Variants in SGCZ observed in about 807,000 individuals in gnomAD.
The protein encoded by SGCZ is zeta-sarcoglycan.
SGCZ carries 40 observed loss-of-function variants against 41.3 expected under a neutral mutation model. That is an observed-to-expected ratio of 0.97 (90% CI 0.75 to 1.26). The LOEUF (loss-of-function observed/expected upper bound fraction) is 1.26. SGCZ is among the 50% of genes most tolerant of loss of function. The pLI, the probability that SGCZ is intolerant of heterozygous loss-of-function variation, is 0.00. For missense variants in SGCZ, 552 were observed against 369.8 expected (o/e 1.49, Z -4.04); for synonymous variants, 206 against 137.5 (o/e 1.50, Z -3.49).
chr8:14,914,314 A>G (rs903245670), intron 1 of SGCZ, among the ~76,000 whole-genome samples: 12 of 152,138 alleles, frequency 7.9e-5, no homozygotes, highest in African/African-American at 2.9e-4. Context: ...TAAATATTTT[A>G]ATTCACATTT....
At chr8:14,814,123 G>C (rs577231453) in intron 1 of SGCZ, among the ~76,000 whole-genome samples, 8 of 152,162 alleles carry the variant, frequency 5.3e-5, no homozygotes, top group African/African-American at 1.9e-4. Flanking sequence ...ACAGGATATA[G>C]GAAAAAGCAT....
chr8:14,543,097 C>T (rs981556521), intron 2 of SGCZ, among the ~76,000 whole-genome samples: 1 of 151,800 alleles, frequency 6.6e-6, no homozygotes, highest in African/African-American at 2.4e-5. Flanking sequence ...TATTTAGGAA[C>T]ATTGGCACCA....
chr8:15,175,326 G>C (rs905011863), intron 1 of SGCZ, among the ~76,000 whole-genome samples: 17 of 151,784 alleles, frequency 1.1e-4, no homozygotes, highest in African/African-American at 3.6e-4. Flanking sequence ...TGTGATACCT[G>C]TACGCCATAG....
At chr8:14,515,856 GTTTTA>G (rs974073392) in intron 2 of SGCZ, among the ~76,000 whole-genome samples, 11 of 151,986 alleles carry the variant, frequency 7.2e-5, no homozygotes, top group African/African-American at 2.7e-4. Context: ...GCTTTGCTTA[GTTTTA>G]TTTTAAAGAT....
At chr8:14,551,589 A>AATATATATTATATATATT (rs1194041409) in intron 2 of SGCZ, among the ~76,000 whole-genome samples, 2 of 34,038 alleles carry the variant, frequency 5.9e-5, no homozygotes. Context: ...TAATATATAT[A>AATATATATTATATATATT]ATATATATTA....
chr8:14,285,409 A>G (rs749648510), intron 3 of SGCZ, among the ~76,000 whole-genome samples: 5 of 152,128 alleles, frequency 3.3e-5, no homozygotes, highest in Non-Finnish European at 7.4e-5. Context: ...TGATACGCTC[A>G]GCATAACTCC....
chr8:14,105,185 C>T (rs1247661903), intron 6 of SGCZ, among the ~76,000 whole-genome samples: 1 of 151,784 alleles, frequency 6.6e-6, no homozygotes, highest in Non-Finnish European at 1.5e-5. Flanking sequence ...AAGAAAAATT[C>T]AAAGAAAATC....
At chr8:15,220,130 A>T (rs268341) in intron 1 of SGCZ, among the ~76,000 whole-genome samples, 128,084 of 152,094 alleles carry the variant, frequency 0.84, 54,580 homozygotes, top group Non-Finnish European at 0.91. Context: ...CACTTAACAA[A>T]TGAAATAATA....
At chr8:14,688,646 A>T (rs2898397) in intron 1 of SGCZ, among the ~76,000 whole-genome samples, 59,036 of 151,918 alleles carry the variant, frequency 0.39, 15,304 homozygotes, top group African/African-American at 0.75. Flanking sequence ...CCAGCATTGT[A>T]CTTTTGGCTT....
chr8:14,253,815 G>T (rs1799370476), intron 3 of SGCZ, among the ~76,000 whole-genome samples: 1 of 152,084 alleles, frequency 6.6e-6, no homozygotes, highest in African/African-American at 2.4e-5. Flanking sequence ...ATAAACATTA[G>T]CAAATATTGG....
chr8:14,515,782 T>C lies in SGCZ; in HGVS notation c.234+38950A>G, dbSNP rs545218380. Among the ~76,000 whole-genome samples the C allele has an allele frequency of 1.4e-4, 22 of 152,212 alleles. No homozygotes were observed. In the South Asian group the frequency reaches 3.9e-3, roughly 27 times the overall value. On this transcript the variant is annotated intron_variant, in intron 2 of 7. Transcript: ENST00000382080. ...AATAATGGTAGCTGAGTGAGCCAATTTTCTAGCACCTTTGCCTACATCATT... is the reference window on the plus strand; with the variant it reads ...AATAATGGTAGCTGAGTGAGCCAATCTTCTAGCACCTTTGCCTACATCATT...
At chr8:14,977,225 C>T (rs1409734094) in intron 1 of SGCZ, among the ~76,000 whole-genome samples, 1 of 152,100 alleles carries the variant, frequency 6.6e-6, no homozygotes. Flanking sequence ...ACAGTGAAGC[C>T]TCCACCCCAT....
intron 2 of SGCZ, among the ~76,000 whole-genome samples, chr8:14,396,252 GGT>G (rs1798916501): frequency 6.6e-6 from 1 of 152,070 alleles, no homozygotes; most frequent in Admixed American, 6.6e-5. Flanking sequence ...TTTAGTGTAA[GGT>G]AAGGACTTAA....
intron 1 of SGCZ, among the ~76,000 whole-genome samples, chr8:14,645,496 A>ATT (rs1379138580): frequency 4.9e-5 from 7 of 143,810 alleles, no homozygotes; most frequent in East Asian, 2.1e-4. Context: ...ATATATATAT[A>ATT]TATATGGCAC....
intron 2 of SGCZ, among the ~76,000 whole-genome samples, chr8:14,499,754 T>G (rs865781038): frequency 2.7e-4 from 41 of 151,778 alleles, no homozygotes; most frequent in Admixed American, 2.2e-3. Flanking sequence ...ATCTTCCCCT[T>G]ATCAATTTGT....
At chr8:15,008,793 G>A (rs1802713810) in intron 1 of SGCZ, among the ~76,000 whole-genome samples, 1 of 91,248 alleles carries the variant, frequency 1.1e-5, no homozygotes, top group Non-Finnish European at 2.2e-5. Context: ...GGGAGGGACG[G>A]AGGGAGGGGA....
chr8:14,815,766 A>C (rs1801884471), intron 1 of SGCZ, among the ~76,000 whole-genome samples: 1 of 152,222 alleles, frequency 6.6e-6, no homozygotes, highest in Non-Finnish European at 1.5e-5. Context: ...GCAATCTATT[A>C]TACTATCTGA....
At chr8:14,443,071 G>T (rs1800319747) in intron 2 of SGCZ, among the ~76,000 whole-genome samples, 1 of 152,056 alleles carries the variant, frequency 6.6e-6, no homozygotes, top group Non-Finnish European at 1.5e-5. Context: ...TTGCTTCAAA[G>T]AAAATAAAAT....
chr8:14,193,414 G>T (rs866521890), intron 4 of SGCZ, among the ~76,000 whole-genome samples: 4 of 151,702 alleles, frequency 2.6e-5, no homozygotes, highest in Middle Eastern at 3.2e-3. Context: ...TGCTATCTGA[G>T]TATGTATGTA....
Sources: allele counts gnomAD v4.1 joint callset (sites outside exome capture counted in the v4.1 genomes callset), GRCh38; gene constraint gnomAD v4.1.1; transcripts MANE v1.5; gene names NCBI Gene and HGNC (gene_info 2026-07-23, HGNC 2026-07-21).